VGLL1: variants seen among roughly 807,000 people sequenced by gnomAD.
The protein encoded by VGLL1 is transcription cofactor vestigial-like protein 1.
In VGLL1, 4 loss-of-function variants were observed where a neutral mutation model predicts 12.0. The observed-to-expected ratio is 0.33, with a 90% CI of 0.16 to 0.76. VGLL1 has a LOEUF of 0.76. Among genes scored for constraint, VGLL1 ranks in the 30% least tolerant of loss-of-function variants. The pLI is 0.60. For synonymous variants in VGLL1, 87 were observed against 81.2 expected (o/e 1.07, Z -0.39); for missense variants, 204 against 208.7 (o/e 0.98, Z 0.14).
At chrX:136,550,929 A>T in intron 4 of VGLL1, 108 bp downstream of exon 4, 3 of 681,757 alleles carry the variant, frequency 4.4e-6, no homozygotes, top group Non-Finnish European at 7.0e-6. Context: ...TAAAACCCAG[A>T]GTCTCCAGTA....
At chrX:136,550,590 G>A (rs902722191) in intron 3 of VGLL1, 178 bp from the exon 4 acceptor site, 1 of 394,296 alleles carries the variant, frequency 2.5e-6, no homozygotes, top group Non-Finnish European at 4.3e-6. Flanking sequence ...TGCCTTGGAA[G>A]GTGGTGGACC....
intron 4 of VGLL1, chrX:136,551,043 T>C: frequency 2.9e-6 from 1 of 339,929 alleles, no homozygotes; most frequent in Non-Finnish European, 5.2e-6. Flanking sequence ...TGTAAAATTT[T>C]ATTTTGCTAT....
At chrX:136,546,957 T>C in intron 2 of VGLL1, among the ~76,000 whole-genome samples, 1 of 113,207 alleles carries the variant, frequency 8.8e-6, no homozygotes, top group East Asian at 2.8e-4. Context: ...TGGTGTGAGA[T>C]GTTGGGGAGA....
At chrX:136,548,463 G>A in intron 2 of VGLL1, 126 bp from the exon 3 acceptor site, 1 of 702,902 alleles carries the variant, frequency 1.4e-6, no homozygotes, top group Non-Finnish European at 2.1e-6. Flanking sequence ...TCATTAGGAT[G>A]ATTTTATTTT....
At chrX:136,540,294 A>T (rs67647114) in intron 2 of VGLL1, among the ~76,000 whole-genome samples, 22,495 of 110,600 alleles carry the variant, frequency 0.2, 2,396 homozygotes, top group African/African-American at 0.4. Flanking sequence ...CCGTTGTCTT[A>T]CTGATCTCAT....
intron 2 of VGLL1, among the ~76,000 whole-genome samples, chrX:136,546,488 C>T (rs1372082373): frequency 8.9e-6 from 1 of 112,435 alleles, no homozygotes; most frequent in African/African-American, 3.2e-5. Flanking sequence ...AAGCTCCCAT[C>T]CAAACTGTGC....
At chrX:136,534,960 TA>T (rs1322964461) in intron 1 of VGLL1, among the ~76,000 whole-genome samples, 1 of 112,010 alleles carries the variant, frequency 8.9e-6, no homozygotes, top group African/African-American at 3.2e-5. Context: ...TCATTTTCAT[TA>T]AATTGACAAG....
intron 2 of VGLL1, among the ~76,000 whole-genome samples, 199 bp from the exon 3 acceptor site, chrX:136,548,390 T>C (rs1278822615): frequency 1.8e-5 from 2 of 111,518 alleles, no homozygotes; most frequent in African/African-American, 6.5e-5. Context: ...AATGCATACA[T>C]GAATAGAAAC....
At chrX:136,537,206 C>A (rs1471253846) in intron 2 of VGLL1, among the ~76,000 whole-genome samples, 2 of 109,961 alleles carry the variant, frequency 1.8e-5, no homozygotes, top group Admixed American at 1.9e-4. Context: ...CCTGTGTCTA[C>A]AAAAAAATTT....
At chrX:136,532,622 TTTCTTTCTTTC>T (rs2075827005) in intron 1 of VGLL1, among the ~76,000 whole-genome samples, 1 of 95,490 alleles carries the variant, frequency 1.0e-5, no homozygotes, top group Non-Finnish European at 2.1e-5. Context: ...TCTTTCTTTC[TTTCTTTCTTTC>T]TTTCTTTCTT....
At position 136,548,742 on chromosome X, in the gene VGLL1, C is replaced by A; in HGVS notation, c.368C>A (p.Ala123Asp). 1 of 1,212,076 alleles carries A rather than the reference C, an allele frequency of 8.3e-7. No individual in the cohort carries two copies. The highest frequency in any genetic ancestry group is 3.0e-5 in the East Asian group (1 of 33,835). Residue 123 changes from alanine (A) to aspartate (D), a missense_variant, in exon 3 of 5, where the codon GCC becomes GAC. By Grantham distance (126) the Ala-to-Asp change is moderately radical. Coordinates refer to ENST00000370634, the MANE Select transcript of VGLL1 (RefSeq NM_016267.4). ...NQFSPSLARR[A>D]SVRPGELWHF... ...TTCTCACCGTCCCTGGCTAGGAGGGCCTCTGTTCGGCCTGGGGAGCTGTGG... is the reference window on the plus strand; with the variant it reads ...TTCTCACCGTCCCTGGCTAGGAGGGACTCTGTTCGGCCTGGGGAGCTGTGG...
Position 136,532,654 on chromosome X carries a change from T to TTTC in VGLL1, c.-26+361_-26+363dup, listed in dbSNP as rs2075828407. Among the ~76,000 whole-genome samples the TTTC allele has an allele frequency of 1.4e-4, 11 of 76,438 alleles. No individual in the cohort carries two copies. In the South Asian group the frequency reaches 4.1e-3, roughly 29 times the overall value. The allele number at this position is 76,438 out of a possible 115,157, so 66.4% of individuals were successfully genotyped here. A position where few individuals can be genotyped will look rare whatever the true frequency, so the allele number is the denominator to read the frequency against. On this transcript the variant is annotated intron_variant, in intron 1 of 4. Coordinates refer to ENST00000370634, the MANE Select transcript of VGLL1 (RefSeq NM_016267.4). ...CTTTCTTTCTTTCTTTCTTTCTTTC[T>TTTC]TTCTTTCTTTTTCTTTCTTTCTTCT...
chrX:136,534,323 C>G (rs1022572556), intron 1 of VGLL1, among the ~76,000 whole-genome samples: 5 of 112,494 alleles, frequency 4.4e-5, no homozygotes, highest in Non-Finnish European at 1.9e-5. Context: ...CTCTCAATCT[C>G]TACCCTACAG....
chrX:136,539,584 T>C lies in VGLL1; in HGVS notation c.214+3350T>C, dbSNP rs2148530399. On this transcript the variant is annotated intron_variant, in intron 2 of 4. Coordinates refer to ENST00000370634, the MANE Select transcript of VGLL1 (RefSeq NM_016267.4). ...GTTTTCCTCCTGCCTCCCTGGTTAC[T>C]ATTTCTTCTCAGTCTCCTTTGCTAT... Among the ~76,000 whole-genome samples the C allele has an allele frequency of 2.7e-5, 3 of 111,853 alleles. No homozygotes were observed. The East Asian group carries it at 8.4e-4, about 31-fold the overall frequency.
intron 2 of VGLL1, among the ~76,000 whole-genome samples, chrX:136,545,334 C>T (rs2075866888): frequency 9.0e-6 from 1 of 111,343 alleles, no homozygotes; most frequent in Non-Finnish European, 1.9e-5. Flanking sequence ...ATGTTTGCAA[C>T]GGTGCATATG....
intron 2 of VGLL1, among the ~76,000 whole-genome samples, chrX:136,544,143 A>C (rs749646507): frequency 8.9e-6 from 1 of 112,007 alleles, no homozygotes; most frequent in African/African-American, 3.3e-5. Flanking sequence ...TCTCCATGCC[A>C]TTAAATGTTC....
chrX:136,556,066 T>C (rs896520258), intron 4 of VGLL1, among the ~76,000 whole-genome samples: 2 of 111,635 alleles, frequency 1.8e-5, no homozygotes, highest in Non-Finnish European at 3.8e-5. Context: ...GTGGGTTTCC[T>C]ACATTTTCAA....
At chrX:136,555,643 C>A (rs1434918899) in intron 4 of VGLL1, among the ~76,000 whole-genome samples, 2 of 111,787 alleles carry the variant, frequency 1.8e-5, no homozygotes, top group Non-Finnish European at 3.8e-5. Context: ...AATAAGGACA[C>A]AGATGCAAAT....
intron 1 of VGLL1, among the ~76,000 whole-genome samples, chrX:136,532,848 G>A (rs1351574504): frequency 9.2e-6 from 1 of 109,173 alleles, no homozygotes; most frequent in East Asian, 2.8e-4. Flanking sequence ...TGGCCTTGGG[G>A]TTTTGTCTAC....
Sources: gnomAD v4.1 joint callset for allele counts (sites outside exome capture counted in the v4.1 genomes callset) on GRCh38, gnomAD v4.1.1 for gene constraint, MANE v1.5 for transcripts, NCBI Gene and HGNC (gene_info 2026-07-23, HGNC 2026-07-21) for gene names.